Variants in SEC23IP observed in about 807,000 individuals in gnomAD.
The protein encoded by SEC23IP is SEC23 interacting protein, also known as SEC23-interacting protein.
Under a neutral mutation model 113.4 loss-of-function variants are expected in SEC23IP, and 70 were observed. The ratio of observed to expected loss-of-function variants is 0.62; its 90% CI spans 0.51 to 0.75. The LOEUF (loss-of-function observed/expected upper bound fraction) is 0.75. SEC23IP is among the 30% of genes least tolerant of loss of function. SEC23IP has a pLI of 0.00. For synonymous variants in SEC23IP, 398 were observed against 421.0 expected, an observed-to-expected ratio of 0.95 and a Z score of 0.67; for missense variants, 1,160 against 1,204.9, an observed-to-expected ratio of 0.96 and a Z score of 0.55.
At chr10:119,893,495 T>C (rs1452578465) in intron 1 of SEC23IP, among the ~76,000 whole-genome samples, 1 of 150,628 alleles carries the variant, frequency 6.6e-6, no homozygotes, top group Admixed American at 6.6e-5. Flanking sequence ...GAAGTAGACA[T>C]ATACAATGCA....
chr10:119,912,642 C>CTTTTTTT (rs760515822), intron 6 of SEC23IP, among the ~76,000 whole-genome samples: 5 of 116,424 alleles, frequency 4.3e-5, no homozygotes, highest in East Asian at 3.2e-4. Flanking sequence ...TTTTCTTTTT[C>CTTTTTTT]TTTTTTTTTT....
intron 12 of SEC23IP, among the ~76,000 whole-genome samples, chr10:119,923,602 G>C (rs1045730207): frequency 3.1e-4 from 46 of 150,618 alleles, no homozygotes; most frequent in African/African-American, 1.1e-3. Flanking sequence ...AGGCTGGAGT[G>C]CAGTGGCACG....
intron 18 of SEC23IP, among the ~76,000 whole-genome samples, chr10:119,935,483 C>CA (rs1295001371): frequency 1.3e-5 from 2 of 151,968 alleles, no homozygotes; most frequent in Non-Finnish European, 2.9e-5. Context: ...CAAATGATAG[C>CA]AAAATTGACA....
intron 13 of SEC23IP, 77 bp from the exon 14 acceptor site, chr10:119,929,530 G>T (rs183959073): frequency 7.6e-7 from 1 of 1,310,208 alleles, no homozygotes. Context: ...CACCACGCCC[G>T]GCCTGAAAAT....
chr10:119,909,912 T>TA (rs1393496840), intron 5 of SEC23IP, among the ~76,000 whole-genome samples: 2 of 152,202 alleles, frequency 1.3e-5, no homozygotes, highest in Non-Finnish European at 2.9e-5. Context: ...AAGTATTTCT[T>TA]ATGAAGTTTC....
intron 4 of SEC23IP, among the ~76,000 whole-genome samples, chr10:119,906,283 GAAAA>G (rs59914110): frequency 2.2e-4 from 25 of 114,830 alleles, no homozygotes; most frequent in South Asian, 5.7e-4. Context: ...CCTTGTCTCA[GAAAA>G]AAAAAAAAAA....
chr10:119,909,068 A>T lies in SEC23IP; in HGVS notation c.1129A>T (p.Asn377Tyr). 6.2e-7 allele frequency: 1 copy of T among 1,612,826 alleles called. No individual in the cohort carries two copies. The highest frequency in any genetic ancestry group is 8.5e-7 in the Non-Finnish European group (1 of 1,179,174). Residue 377 changes from asparagine (N) to tyrosine (Y), a missense_variant, in exon 5 of 19, where the codon AAT becomes TAT. Asn to Tyr is a moderately radical substitution (Grantham distance 143). Coordinates refer to ENST00000369075, the MANE Select transcript of SEC23IP (RefSeq NM_007190.4). ...EAEYKKAVTTNQWHRRLEFPS... is the reference protein window; with the variant it reads ...EAEYKKAVTTYQWHRRLEFPS... ...TGAATATAAAAAAGCTGTAACCACT[A>T]ATCAGTGGCACCGAAGATTAGAGTT...
At chr10:119,900,462 G>A (rs950791892) in intron 2 of SEC23IP, among the ~76,000 whole-genome samples, 1 of 151,790 alleles carries the variant, frequency 6.6e-6, no homozygotes, top group Admixed American at 6.6e-5. Context: ...GGCACATGCT[G>A]CCATACCTGG....
At chr10:119,935,753 T>C (rs1382718998) in intron 18 of SEC23IP, among the ~76,000 whole-genome samples, 2 of 152,166 alleles carry the variant, frequency 1.3e-5, no homozygotes, top group Non-Finnish European at 2.9e-5. Context: ...ACTGAGCAGC[T>C]GGACAAGGAG....
At chr10:119,893,260 A>C (rs1033525150) in intron 1 of SEC23IP, among the ~76,000 whole-genome samples, 5 of 152,080 alleles carry the variant, frequency 3.3e-5, no homozygotes, top group African/African-American at 1.2e-4. Flanking sequence ...AATGCAAATA[A>C]ATTAAACAGT....
chr10:119,920,027 A>T (rs1410914805), intron 11 of SEC23IP, among the ~76,000 whole-genome samples: 4 of 152,218 alleles, frequency 2.6e-5, no homozygotes, highest in Non-Finnish European at 5.9e-5. Flanking sequence ...GAAAACTCAT[A>T]AGAGAAATGG....
chr10:119,913,818 T>C (rs1854955194), intron 6 of SEC23IP, among the ~76,000 whole-genome samples: 1 of 151,926 alleles, frequency 6.6e-6, no homozygotes, highest in Admixed American at 6.6e-5. Flanking sequence ...ATTTTTATGT[T>C]TTTCCTTGAA....
At chr10:119,904,333 A>T (rs1486767690) in intron 4 of SEC23IP, 56 bp downstream of exon 4, 2 of 1,436,852 alleles carry the variant, frequency 1.4e-6, no homozygotes, top group Non-Finnish European at 9.8e-7. Context: ...TCCTATATAC[A>T]TTGGTGAGTA....
chr10:119,911,628 A>C (rs12766746), intron 5 of SEC23IP, among the ~76,000 whole-genome samples: 1 of 151,874 alleles, frequency 6.6e-6, no homozygotes, highest in Non-Finnish European at 1.5e-5. Flanking sequence ...GGCATGCACT[A>C]CCATGCCTGG....
intron 2 of SEC23IP, among the ~76,000 whole-genome samples, chr10:119,899,310 A>G (rs1479992051): frequency 6.6e-6 from 1 of 152,212 alleles, no homozygotes; most frequent in Non-Finnish European, 1.5e-5. Context: ...TCATCTTTCA[A>G]TTACACTAGT....
chr10:119,909,885 A>C (rs1412366434), intron 5 of SEC23IP, among the ~76,000 whole-genome samples: 1 of 152,208 alleles, frequency 6.6e-6, no homozygotes, highest in Non-Finnish European at 1.5e-5. Context: ...GACTCTGTCT[A>C]AATAAATAAA....
At chr10:119,911,624 C>G (rs1243981547) in intron 5 of SEC23IP, among the ~76,000 whole-genome samples, 1 of 151,928 alleles carries the variant, frequency 6.6e-6, no homozygotes, top group African/African-American at 2.4e-5. Context: ...TGCAGGCATG[C>G]ACTACCATGC....
intron 18 of SEC23IP, among the ~76,000 whole-genome samples, chr10:119,937,289 T>A (rs1181723717): frequency 6.6e-6 from 1 of 152,194 alleles, no homozygotes; most frequent in Non-Finnish European, 1.5e-5. Context: ...CCTTATACTT[T>A]GGATTTTTTT....
At position 119,932,178 on chromosome 10, in the gene SEC23IP, G is replaced by T. The variant is rs766060357; in HGVS notation, c.2618G>T (p.Gly873Val). Residue 873 changes from glycine (G) to valine (V), a missense_variant, in exon 16 of 19, where the codon GGT becomes GTT. By Grantham distance (109) the Gly-to-Val change is moderately radical. Transcript: ENST00000369075. The part of the protein sequence containing the change: ...LSRMGSDLKQ[G>V]FISSLKSAWQ... ...CGTATGGGATCTGATTTGAAGCAGG[G>T]TTTTATTAGCTCTCTCAAAAGTGCT... 1 of 1,613,018 alleles carries T rather than the reference G, an allele frequency of 6.2e-7. No individual in the cohort carries two copies. Among genetic ancestry groups the T allele is most frequent in the East Asian group, 2.2e-5 (1 of 44,862 alleles).
Sources: allele counts gnomAD v4.1 joint callset (sites outside exome capture counted in the v4.1 genomes callset), GRCh38; gene constraint gnomAD v4.1.1; transcripts MANE v1.5; gene names NCBI Gene and HGNC (gene_info 2026-07-23, HGNC 2026-07-21).